Variants in PDE6C observed in about 807,000 individuals in gnomAD.
PDE6C encodes cone cGMP-specific 3',5'-cyclic phosphodiesterase subunit alpha'.
A neutral mutation model predicts 113.1 loss-of-function variants in PDE6C; 75 were observed. The ratio of observed to expected loss-of-function variants is 0.66; its 90% CI spans 0.55 to 0.80. The LOEUF is 0.80. Ranked by LOEUF, PDE6C falls within the 30% of genes least tolerant of loss-of-function variation. The pLI is 0.00. For synonymous variants in PDE6C, 375 were observed against 363.7 expected (o/e 1.03, Z -0.35); for missense variants, 912 against 1,038.6 (o/e 0.88, Z 1.67).
intron 4 of PDE6C, among the ~76,000 whole-genome samples, chr10:93,624,723 T>C (rs544876878): frequency 6.6e-6 from 1 of 152,286 alleles, no homozygotes; most frequent in South Asian, 2.1e-4. Flanking sequence ...GCTAAAAGCA[T>C]CTCTAACAAT....
At chr10:93,657,142 TTG>T (rs1172550922) in intron 16 of PDE6C, among the ~76,000 whole-genome samples, 2 of 151,598 alleles carry the variant, frequency 1.3e-5, no homozygotes, top group African/African-American at 4.9e-5. Context: ...TATGGTATTG[TTG>T]TGTGTTGTTT....
intron 8 of PDE6C, 85 bp downstream of exon 8, chr10:93,629,390 C>A: frequency 1.0e-6 from 1 of 1,003,260 alleles, no homozygotes; most frequent in Non-Finnish European, 1.6e-6. Flanking sequence ...CCCCAGAGTC[C>A]GCCTGATGCT....
intron 15 of PDE6C, among the ~76,000 whole-genome samples, chr10:93,652,299 G>A (rs1412729700): frequency 1.3e-5 from 2 of 152,126 alleles, no homozygotes; most frequent in South Asian, 2.1e-4. Flanking sequence ...TCTTTTATAT[G>A]AATCTATATC....
chr10:93,662,602 C>A lies in PDE6C; in HGVS notation c.2326C>A (p.Gln776Lys). 6.7e-7 allele frequency: 1 copy of A among 1,500,176 alleles called. No homozygotes were observed. Among genetic ancestry groups the A allele is most frequent in the Non-Finnish European group, 9.3e-7 (1 of 1,076,696 alleles). 92.9% of individuals were successfully genotyped at this position (1,500,176 alleles called of 1,614,324 possible). A position where few individuals can be genotyped will look rare whatever the true frequency, so the allele number is the denominator to read the frequency against. Residue 776 changes from glutamine to lysine, a missense_variant, in exon 20 of 22, where the codon CAA becomes AAA. Physicochemically the swap from Gln to Lys is moderately conservative, Grantham distance 53 (BLOSUM62 1). Transcript: ENST00000371447. The part of the protein sequence containing the change: ...RNKRDELPKL[Q>K]VGFIDFVCTF... ...CAAAAGAGATGAATTACCTAAACTT[C>A]AAGTTGGATTTATTGATTTTGTTTG...
In PDE6C at chr10:93,620,700, G is replaced by A. The variant is rs756702396; in HGVS notation, c.549G>A (p.Pro183=). 37 of 1,614,022 alleles carry A rather than the reference G, an allele frequency of 2.3e-5. No homozygotes were observed. The highest frequency in any genetic ancestry group is 6.6e-5 in the South Asian group (6 of 91,092). ...TCACTAAGAACCTGCTGGCAACCCC[G>A]ATCGTGGTGGGCAAGGAGGTTCTTG... ...GYVTKNLLAT[P]IVVGKEVLAV... Residue 183 remains proline, a synonymous_variant, in exon 2 of 22, where the codon CCG becomes CCA. Coordinates refer to ENST00000371447, the MANE Select transcript of PDE6C (RefSeq NM_006204.4).
At chr10:93,614,776 G>A (rs1020858726) in intron 1 of PDE6C, among the ~76,000 whole-genome samples, 1 of 152,178 alleles carries the variant, frequency 6.6e-6, no homozygotes, top group Admixed American at 6.5e-5. Flanking sequence ...TGTCCATGGT[G>A]AGCATCACGG....
At chr10:93,613,290 G>A in intron 1 of PDE6C, 85 bp downstream of exon 1, 1 of 1,572,216 alleles carries the variant, frequency 6.4e-7, no homozygotes, top group Non-Finnish European at 8.7e-7. Context: ...CTATCCTTGT[G>A]GCATTAGTTT....
intron 1 of PDE6C, among the ~76,000 whole-genome samples, chr10:93,615,053 A>C (rs571091372): frequency 4.9e-4 from 75 of 152,334 alleles, no homozygotes; most frequent in African/African-American, 1.7e-3. Context: ...GCATTTTGGG[A>C]GGCCACGGCG....
chr10:93,662,485 GTTA>G, intron 19 of PDE6C, 72 bp from the exon 20 acceptor site: 2 of 497,480 alleles, frequency 4.0e-6, no homozygotes, highest in Non-Finnish European at 7.3e-6. Flanking sequence ...AAAAAAAAAA[GTTA>G]TCAGGACAAA....
intron 15 of PDE6C, among the ~76,000 whole-genome samples, chr10:93,646,497 G>C (rs2058585018): frequency 6.6e-6 from 1 of 152,148 alleles, no homozygotes; most frequent in African/African-American, 2.4e-5. Context: ...AAATACCTGA[G>C]ACTGGGTAAT....
chr10:93,613,237 CT>C, intron 1 of PDE6C, 32 bp downstream of exon 1: 1 of 1,612,974 alleles, frequency 6.2e-7, no homozygotes, highest in Non-Finnish European at 8.5e-7. Flanking sequence ...GGGCAGAGGT[CT>C]TGGCAGGGTC....
intron 1 of PDE6C, among the ~76,000 whole-genome samples, chr10:93,616,753 G>C (rs1199394614): frequency 2.7e-5 from 4 of 146,842 alleles, no homozygotes; most frequent in Non-Finnish European, 4.5e-5. Flanking sequence ...TCCCAAGTTA[G>C]AGCCATTCTC....
Position 93,629,313 on chromosome 10 carries a change from C to A in PDE6C, c.1119+8C>A, listed in dbSNP as rs1200130883. On this transcript the variant is annotated splice_region_variant and intron_variant, in intron 8 of 21. Transcript: ENST00000371447. Reference sequence around the variant, plus strand: ...GAATACTTCACATTTCAGGTAACTGCACTCTGGGTCAGACCTCACCTCTTG... The same window carrying A: ...GAATACTTCACATTTCAGGTAACTGAACTCTGGGTCAGACCTCACCTCTTG... 1 of 1,601,440 alleles carries A rather than the reference C, an allele frequency of 6.2e-7. No individual in the cohort carries two copies. Among genetic ancestry groups the A allele is most frequent in the Non-Finnish European group, 8.6e-7 (1 of 1,168,514 alleles).
At chr10:93,635,225 G>C (rs1372497831) in intron 9 of PDE6C, among the ~76,000 whole-genome samples, 1 of 151,988 alleles carries the variant, frequency 6.6e-6, no homozygotes, top group African/African-American at 2.4e-5. Context: ...CTTACGCCCA[G>C]CCCCCTGCCT....
In PDE6C at chr10:93,659,013, G is replaced by A. The variant is rs2058654100; in HGVS notation, c.2144+5G>A. The A allele has an allele frequency of 1.3e-6, 2 of 1,574,706 alleles. No individual in the cohort carries two copies. The highest frequency in any genetic ancestry group is 1.7e-6 in the Non-Finnish European group (2 of 1,144,474). On this transcript the variant is annotated splice_donor_5th_base_variant and intron_variant, in intron 17 of 21. Transcript: ENST00000371447. ...AACCAAGAAAGAGATTATCATGTAGGTAGTTGAAATTGTATTTCTCTCTTG... is the reference window on the plus strand; with the variant it reads ...AACCAAGAAAGAGATTATCATGTAGATAGTTGAAATTGTATTTCTCTCTTG...
chr10:93,621,003 C>G lies in PDE6C; in HGVS notation c.723+23C>G, dbSNP rs529835092. 1.9e-6 allele frequency: 3 copies of G among 1,577,514 alleles called. No homozygotes were observed. The East Asian group carries it at 6.7e-5, about 35-fold the overall frequency. Reference sequence around the variant, plus strand: ...CAGGTAAAAGGAAGGCAGCATTAGTCATTCCATGCTGACCTATTCTGACAA... The same window carrying G: ...CAGGTAAAAGGAAGGCAGCATTAGTGATTCCATGCTGACCTATTCTGACAA... On this transcript the variant is annotated intron_variant, in intron 3 of 21. Transcript: ENST00000371447.
At chr10:93,622,639 G>GTTTTTTTTTTTTTTTTTTTTT (rs67350128) in intron 4 of PDE6C, among the ~76,000 whole-genome samples, 7 of 113,992 alleles carry the variant, frequency 6.1e-5, no homozygotes, top group Admixed American at 1.8e-4. Context: ...GTAGCCACAG[G>GTTTTTTTTTTTTTTTTTTTTT]TTTTTTTTTT....
At chr10:93,642,291 G>A (rs961239775) in intron 14 of PDE6C, among the ~76,000 whole-genome samples, 1 of 152,176 alleles carries the variant, frequency 6.6e-6, no homozygotes, top group African/African-American at 2.4e-5. Context: ...TTGAACCCAG[G>A]AGGCAGAGGT....
chr10:93,643,641 T>G (rs868163087), intron 14 of PDE6C, among the ~76,000 whole-genome samples: 4 of 151,844 alleles, frequency 2.6e-5, no homozygotes, highest in African/African-American at 2.4e-5. Flanking sequence ...TCCTCCTGCC[T>G]CAGCCTCCCA....
Sources: allele counts gnomAD v4.1 joint callset (sites outside exome capture counted in the v4.1 genomes callset), GRCh38; gene constraint gnomAD v4.1.1; transcripts MANE v1.5; gene names NCBI Gene and HGNC (gene_info 2026-07-23, HGNC 2026-07-21).